CNTNAP2: variants seen among roughly 807,000 people sequenced by gnomAD.
The protein encoded by CNTNAP2 is contactin associated protein 2, also known as contactin-associated protein-like 2.
In CNTNAP2, 98 loss-of-function variants were observed where a neutral mutation model predicts 155.2. The observed-to-expected ratio is 0.63, with a 90% CI of 0.54 to 0.75. The LOEUF (loss-of-function observed/expected upper bound fraction) is 0.75, where lower values mean the gene tolerates loss of function less well. Ranked by LOEUF, CNTNAP2 falls within the 30% of genes least tolerant of loss-of-function variation. The pLI, the probability that CNTNAP2 is intolerant of heterozygous loss-of-function variation, is 0.00. For synonymous variants in CNTNAP2, 651 were observed against 631.2 expected (o/e 1.03, Z -0.47); for missense variants, 1,727 against 1,688.1 (o/e 1.02, Z -0.40).
intron 8 of CNTNAP2, among the ~76,000 whole-genome samples, chr7:147,135,398 T>A (rs1304636877): frequency 6.6e-6 from 1 of 151,848 alleles, no homozygotes; most frequent in Admixed American, 6.6e-5. Context: ...ACTTACTTTT[T>A]GAAATAAGTT....
chr7:146,233,861 A>G (rs1289444137), intron 1 of CNTNAP2, among the ~76,000 whole-genome samples: 2 of 150,418 alleles, frequency 1.3e-5, no homozygotes, highest in African/African-American at 2.4e-5. Context: ...CATCCAGTCT[A>G]TCATTGTTGG....
intron 14 of CNTNAP2, among the ~76,000 whole-genome samples, chr7:147,919,282 C>T (rs933356901): frequency 6.6e-6 from 1 of 151,334 alleles, no homozygotes; most frequent in Non-Finnish European, 1.5e-5. Flanking sequence ...ATATGTTTGT[C>T]AGGTTTTGTT....
chr7:147,474,092 A>G (rs1798273711), intron 10 of CNTNAP2, among the ~76,000 whole-genome samples: 2 of 148,254 alleles, frequency 1.3e-5, no homozygotes, highest in African/African-American at 4.9e-5. Context: ...AAAAAAAATA[A>G]ATAAAAATAA....
chr7:147,057,143 A>C (rs1164744471), intron 4 of CNTNAP2, among the ~76,000 whole-genome samples: 1 of 152,084 alleles, frequency 6.6e-6, no homozygotes, highest in Non-Finnish European at 1.5e-5. Context: ...ATATGCTACA[A>C]ATTTATTTAA....
intron 10 of CNTNAP2, among the ~76,000 whole-genome samples, chr7:147,459,205 G>T (rs1356223961): frequency 1.3e-5 from 2 of 152,226 alleles, no homozygotes; most frequent in East Asian, 1.9e-4. Context: ...TTTAATTTTG[G>T]TTTTAATATT....
At chr7:147,637,663 A>C (rs1170036668) in intron 12 of CNTNAP2, among the ~76,000 whole-genome samples, 1 of 152,054 alleles carries the variant, frequency 6.6e-6, no homozygotes, top group Non-Finnish European at 1.5e-5. Context: ...GTGCTATTTA[A>C]TATGTTCCTC....
rs151006081 is a variant in CNTNAP2, at chr7:146,379,739, T to A, written c.97+262766T>A. 7.9e-5 allele frequency among the ~76,000 whole-genome samples: 12 copies of A among 152,290 alleles called. No individual in the cohort carries two copies. The East Asian group carries it at 2.1e-3, about 27-fold the overall frequency. On this transcript the variant is annotated intron_variant, in intron 1 of 23. Transcript: ENST00000361727. ...TTTGACCTAGAGATTGACAAAGGAA[T>A]CTGCTTAGGATCACTTGGGATTCTT...
intron 2 of CNTNAP2, among the ~76,000 whole-genome samples, chr7:146,835,300 C>T (rs1162270881): frequency 6.6e-6 from 1 of 152,170 alleles, no homozygotes; most frequent in South Asian, 2.1e-4. Context: ...ATCAATCAGA[C>T]ATTTTCTCAC....
At chr7:147,553,362 A>T (rs1799888313) in intron 11 of CNTNAP2, among the ~76,000 whole-genome samples, 1 of 152,152 alleles carries the variant, frequency 6.6e-6, no homozygotes, top group Admixed American at 6.5e-5. Flanking sequence ...TCTGGGGAGG[A>T]AGTGTAAGGA....
intron 8 of CNTNAP2, among the ~76,000 whole-genome samples, chr7:147,169,828 T>C (rs1802191121): frequency 6.6e-6 from 1 of 152,180 alleles, no homozygotes; most frequent in Non-Finnish European, 1.5e-5. Flanking sequence ...GCCTTTCAGC[T>C]CTTAAATGAT....
intron 12 of CNTNAP2, among the ~76,000 whole-genome samples, chr7:147,586,247 A>C (rs6943922): frequency 6.6e-6 from 1 of 151,438 alleles, no homozygotes; most frequent in African/African-American, 2.4e-5. Flanking sequence ...CTTCAGAGAA[A>C]AGTTTGCAAA....
At chr7:147,720,021 A>G (rs1408699486) in intron 13 of CNTNAP2, among the ~76,000 whole-genome samples, 5 of 152,002 alleles carry the variant, frequency 3.3e-5, no homozygotes, top group African/African-American at 9.7e-5. Context: ...CTGTGTGTTC[A>G]TCACCTGATC....
intron 3 of CNTNAP2, among the ~76,000 whole-genome samples, chr7:146,949,752 T>C (rs1213920480): frequency 6.6e-6 from 1 of 152,186 alleles, no homozygotes; most frequent in African/African-American, 2.4e-5. Context: ...CATGGTGCCA[T>C]TGCTTTGATG....
Position 147,775,305 on chromosome 7 carries a change from TTATAA to T in CNTNAP2, c.2099-128259_2099-128255del, listed in dbSNP as rs1797555819. On this transcript the variant is annotated intron_variant, in intron 13 of 23. Transcript: ENST00000361727. ...TATAAATATATATATTTATATATAT[TTATAA>T]ATATATATATATTTATATATATTTA... is the stretch of plus-strand genomic sequence containing the variant. 4.0e-5 allele frequency among the ~76,000 whole-genome samples: 2 copies of T among 50,070 alleles called. 1 individual carries two copies. Among genetic ancestry groups the T allele is most frequent in the Non-Finnish European group, 6.3e-5 (2 of 31,714 alleles). The allele number at this position is 50,070 out of a possible 152,430, so 32.8% of individuals were successfully genotyped here.
intron 13 of CNTNAP2, among the ~76,000 whole-genome samples, chr7:147,821,553 A>T (rs1798360753): frequency 6.6e-6 from 1 of 152,192 alleles, no homozygotes; most frequent in South Asian, 2.1e-4. Context: ...GAAAGAGGCA[A>T]GATGAATGTG....
chr7:148,406,192 A>G (rs1344833961), intron 22 of CNTNAP2, among the ~76,000 whole-genome samples: 2 of 151,884 alleles, frequency 1.3e-5, no homozygotes, highest in Non-Finnish European at 2.9e-5. Context: ...AGATCGCGCC[A>G]CTGCACTCCA....
intron 17 of CNTNAP2, among the ~76,000 whole-genome samples, chr7:148,168,808 G>A (rs1193526694): frequency 1.3e-5 from 2 of 152,124 alleles, no homozygotes; most frequent in African/African-American, 4.8e-5. Context: ...AATACCAATT[G>A]TTTCCAAATT....
At chr7:146,218,600 C>T (rs1246142534) in intron 1 of CNTNAP2, among the ~76,000 whole-genome samples, 1 of 151,872 alleles carries the variant, frequency 6.6e-6, no homozygotes, top group African/African-American at 2.4e-5. Flanking sequence ...ATATATATTT[C>T]TTTTTTTTCC....
At chr7:146,728,413 C>G (rs576761927) in intron 1 of CNTNAP2, among the ~76,000 whole-genome samples, 1 of 152,076 alleles carries the variant, frequency 6.6e-6, no homozygotes. Context: ...ATAATGCGAG[C>G]CAGTTTTGTC....
Sources: allele counts gnomAD v4.1 joint callset (sites outside exome capture counted in the v4.1 genomes callset), GRCh38; gene constraint gnomAD v4.1.1; transcripts MANE v1.5; gene names NCBI Gene and HGNC (gene_info 2026-07-23, HGNC 2026-07-21).